The following PTAFR variants were observed in gnomAD, a reference collection of about 807,000 sequenced individuals.
The protein encoded by PTAFR is platelet activating factor receptor, also known as platelet-activating factor receptor.
Under a neutral mutation model 14.7 loss-of-function variants are expected in PTAFR, and 8 were observed. The ratio of observed to expected loss-of-function variants is 0.54; its 90% CI spans 0.32 to 0.98. The LOEUF (loss-of-function observed/expected upper bound fraction) is 0.98. Among genes scored for constraint, PTAFR ranks in the 50% least tolerant of loss-of-function variants. The pLI, the probability that PTAFR is intolerant of heterozygous loss-of-function variation, is 0.04. For synonymous variants in PTAFR, 156 were observed against 176.5 expected, an observed-to-expected ratio of 0.88 and a Z score of 0.92; for missense variants, 337 against 451.2, an observed-to-expected ratio of 0.75 and a Z score of 2.29.
upstream of PTAFR, among the ~76,000 whole-genome samples, chr1:28,179,331 T>C (rs1289615287): frequency 6.6e-6 from 1 of 152,212 alleles, no homozygotes; most frequent in African/African-American, 2.4e-5. Flanking sequence ...TCGGCCTGCC[T>C]TCCAGTATAG....
At chr1:28,154,945 C>A (rs1419749168) in intron 1 of PTAFR, among the ~76,000 whole-genome samples, 1 of 151,986 alleles carries the variant, frequency 6.6e-6, no homozygotes, top group African/African-American at 2.4e-5. Context: ...ACATTCCAGG[C>A]AGAGAACTCT....
intron 1 of PTAFR, among the ~76,000 whole-genome samples, chr1:28,183,594 A>T (rs1279368660): frequency 6.6e-6 from 1 of 151,984 alleles, no homozygotes; most frequent in Non-Finnish European, 1.5e-5. Context: ...CACCACTGCC[A>T]CTCCAGCCTG....
chr1:28,184,639 TG>T, intron 1 of PTAFR, among the ~76,000 whole-genome samples: 1 of 151,918 alleles, frequency 6.6e-6, no homozygotes. Context: ...TTTTTCCTTT[TG>T]TTTTTTTGTT....
intron 1 of PTAFR, among the ~76,000 whole-genome samples, chr1:28,176,078 A>G (rs1646509944): frequency 6.6e-6 from 1 of 152,114 alleles, no homozygotes; most frequent in African/African-American, 2.4e-5. Flanking sequence ...TTCTCCAGGA[A>G]TGTTTGGACA....
At chr1:28,183,729 T>C (rs1646581230) in intron 1 of PTAFR, among the ~76,000 whole-genome samples, 1 of 151,976 alleles carries the variant, frequency 6.6e-6, no homozygotes, top group South Asian at 2.1e-4. Flanking sequence ...CTACTAAAAA[T>C]ACAAAAATTA....
At chr1:28,153,498 C>A (rs1204189653) in intron 1 of PTAFR, among the ~76,000 whole-genome samples, 1 of 148,854 alleles carries the variant, frequency 6.7e-6, no homozygotes, top group Non-Finnish European at 1.5e-5. Flanking sequence ...GTAATCCCAA[C>A]ACTTTGGGAG....
intron 1 of PTAFR, among the ~76,000 whole-genome samples, chr1:28,173,806 A>T (rs775478297): frequency 3.1e-4 from 47 of 152,088 alleles, no homozygotes; most frequent in Non-Finnish European, 6.5e-4. Flanking sequence ...CTGAGTGGTG[A>T]TCCTCCCCCT....
chr1:28,160,196 C>CAGAG (rs1646306966), intron 1 of PTAFR, among the ~76,000 whole-genome samples: 2 of 145,588 alleles, frequency 1.4e-5, no homozygotes, highest in Admixed American at 7.0e-5. Context: ...GCCTGGGCAA[C>CAGAG]AGAGCCTCAA....
chr1:28,168,173 G>C (rs1180907994), intron 1 of PTAFR, among the ~76,000 whole-genome samples: 2 of 142,850 alleles, frequency 1.4e-5, no homozygotes, highest in Admixed American at 1.4e-4. Flanking sequence ...GGGTTTCACC[G>C]TGTTAGCCAG....
intron 1 of PTAFR, among the ~76,000 whole-genome samples, chr1:28,165,403 C>CAGAAAAAAA (rs1646373542): frequency 2.2e-5 from 1 of 45,896 alleles, no homozygotes; most frequent in Non-Finnish European, 4.5e-5. Context: ...GACTCTGTCT[C>CAGAAAAAAA]AAAAAAAAAA....
intron 1 of PTAFR, among the ~76,000 whole-genome samples, chr1:28,183,906 C>CA (rs1266436204): frequency 3.3e-5 from 5 of 151,048 alleles, no homozygotes; most frequent in South Asian, 2.1e-4. Flanking sequence ...CAAAACAAAA[C>CA]AAAAAAAACT....
chr1:28,175,701 C>T (rs1375785809), intron 1 of PTAFR, among the ~76,000 whole-genome samples: 1 of 151,968 alleles, frequency 6.6e-6, no homozygotes, highest in Admixed American at 6.6e-5. Flanking sequence ...TGTATAAGAA[C>T]CTGGTTATTT....
chr1:28,185,517 G>A (rs1393707833), intron 1 of PTAFR, among the ~76,000 whole-genome samples: 1 of 152,150 alleles, frequency 6.6e-6, no homozygotes, highest in Non-Finnish European at 1.5e-5. Context: ...GAATACCATA[G>A]GGAAAAGGGC....
chr1:28,169,426 G>A (rs907037510), intron 1 of PTAFR, among the ~76,000 whole-genome samples: 9 of 152,146 alleles, frequency 5.9e-5, no homozygotes, highest in South Asian at 2.1e-4. Context: ...ACTGCTTGCC[G>A]CCTTCGGGCC....
chr1:28,155,376 A>C (rs1238031757), intron 1 of PTAFR, among the ~76,000 whole-genome samples: 2 of 151,930 alleles, frequency 1.3e-5, no homozygotes, highest in Admixed American at 1.3e-4. Flanking sequence ...ACACCCGGCT[A>C]ATTTTTGTAT....
intron 1 of PTAFR, among the ~76,000 whole-genome samples, chr1:28,190,466 T>G (rs1159663316): frequency 6.6e-6 from 1 of 152,202 alleles, no homozygotes; most frequent in Non-Finnish European, 1.5e-5. Flanking sequence ...TGTAATATTA[T>G]TCTACAGATT....
chr1:28,186,366 A>G (rs868652292), intron 1 of PTAFR, among the ~76,000 whole-genome samples: 1 of 152,230 alleles, frequency 6.6e-6, no homozygotes, highest in Admixed American at 6.5e-5. Flanking sequence ...GGGTAGATGT[A>G]CTATATTCAT....
Position 28,170,024 on chromosome 1 carries a change from C to G in PTAFR, c.-39+6568G>C, listed in dbSNP as rs1239484927. 7.2e-5 allele frequency among the ~76,000 whole-genome samples: 11 copies of G among 151,906 alleles called. No individual in the cohort carries two copies. The East Asian group carries it at 2.1e-3, about 29-fold the overall frequency. ...CAAAAAAAAAAAAAAAAGAAGATGC[C>G]TGGTCTGGTCTACAGTGAGAGCTCA... On this transcript the variant is annotated intron_variant, in intron 1 of 1. Transcript: ENST00000373857.
intron 1 of PTAFR, among the ~76,000 whole-genome samples, chr1:28,186,783 G>A (rs1042415661): frequency 4.6e-5 from 7 of 152,052 alleles, no homozygotes; most frequent in South Asian, 4.2e-4. Context: ...AAATTAACCC[G>A]GGGTGGTGGC....
Sources: gnomAD v4.1 joint callset for allele counts (sites outside exome capture counted in the v4.1 genomes callset) on GRCh38, gnomAD v4.1.1 for gene constraint, MANE v1.5 for transcripts, NCBI Gene and HGNC (gene_info 2026-07-23, HGNC 2026-07-21) for gene names.